Variants in NPSR1 observed in about 807,000 individuals in gnomAD.
NPSR1 encodes the protein neuropeptide S receptor.
A neutral mutation model predicts 46.9 loss-of-function variants in NPSR1; 48 were observed. The observed-to-expected ratio is 1.02, with a 90% CI of 0.81 to 1.30. The LOEUF is 1.30. NPSR1 is among the 50% of genes most tolerant of loss of function. NPSR1 has a pLI of 0.00. For missense variants in NPSR1, 450 were observed against 449.5 expected, an observed-to-expected ratio of 1.00 and a Z score of -0.01; for synonymous variants, 176 against 168.1, an observed-to-expected ratio of 1.05 and a Z score of -0.36.
At chr7:34,683,976 C>T (rs1015379474) in intron 1 of NPSR1, among the ~76,000 whole-genome samples, 2 of 152,066 alleles carry the variant, frequency 1.3e-5, no homozygotes, top group Non-Finnish European at 2.9e-5. Flanking sequence ...ATAATTACAC[C>T]CTAATATGAC....
intron 4 of NPSR1, among the ~76,000 whole-genome samples, chr7:34,817,753 G>T (rs1258840738): frequency 2.0e-5 from 3 of 151,974 alleles, no homozygotes; most frequent in Non-Finnish European, 4.4e-5. Flanking sequence ...GGGATGGAAG[G>T]CTGGTTCAAC....
intron 2 of NPSR1, among the ~76,000 whole-genome samples, chr7:34,727,082 T>C (rs1046032050): frequency 1.3e-5 from 2 of 152,104 alleles, no homozygotes; most frequent in African/African-American, 2.4e-5. Context: ...GTATGGGATA[T>C]TGAGAGCAGG....
intron 3 of NPSR1, among the ~76,000 whole-genome samples, chr7:34,804,577 G>T (rs1788594143): frequency 6.6e-6 from 1 of 152,008 alleles, no homozygotes; most frequent in Non-Finnish European, 1.5e-5. Flanking sequence ...CATATTTAAT[G>T]GCAAGAAATT....
chr7:34,691,579 A>G (rs1793260783), intron 2 of NPSR1, among the ~76,000 whole-genome samples: 1 of 152,184 alleles, frequency 6.6e-6, no homozygotes, highest in South Asian at 2.1e-4. Flanking sequence ...TATTAGATAA[A>G]ACAGACATCA....
At chr7:34,834,314 T>G in intron 5 of NPSR1, 70 bp from the exon 6 acceptor site, 1 of 1,113,282 alleles carries the variant, frequency 9.0e-7, no homozygotes, top group Non-Finnish European at 1.4e-6. Context: ...GAGGTGGGAG[T>G]GGTCTTCTCT....
intron 2 of NPSR1, among the ~76,000 whole-genome samples, chr7:34,691,307 C>G (rs1029346297): frequency 3.9e-5 from 6 of 152,106 alleles, no homozygotes; most frequent in Non-Finnish European, 8.8e-5. Flanking sequence ...ATCCTGTAAA[C>G]CAACAACACA....
At position 34,869,762 on chromosome 7, in the gene NPSR1, T is replaced by C. The variant is rs192008318; in HGVS notation, c.1026-8314T>C. On this transcript the variant is annotated intron_variant, in intron 8 of 8. Coordinates refer to the NPSR1 transcript ENST00000359791. Reference sequence around the variant, plus strand: ...CCAAAAGTCCCTGACTTTAGGAAGTTACATTCTGTGGGCAAAATTTAGCAC... The same window carrying C: ...CCAAAAGTCCCTGACTTTAGGAAGTCACATTCTGTGGGCAAAATTTAGCAC... 1.7e-3 allele frequency among the ~76,000 whole-genome samples: 252 copies of C among 151,940 alleles called. 12 individuals carry two copies. The highest frequency in any genetic ancestry group is 5.9e-3 in the African/African-American group (243 of 41,188).
At chr7:34,793,465 G>A (rs1421220452) in intron 3 of NPSR1, among the ~76,000 whole-genome samples, 5 of 152,182 alleles carry the variant, frequency 3.3e-5, no homozygotes, top group South Asian at 4.1e-4. Context: ...ACATGTATAC[G>A]AAAATATGCT....
At chr7:34,693,070 AC>A (rs1017083147) in intron 2 of NPSR1, among the ~76,000 whole-genome samples, 1 of 151,714 alleles carries the variant, frequency 6.6e-6, no homozygotes, top group African/African-American at 2.4e-5. Flanking sequence ...CTGGTGTTGC[AC>A]CCCCCTGCTC....
In NPSR1 at chr7:34,812,783, C is replaced by T. The variant is rs552768993; in HGVS notation, c.478+920C>T. ...GATAACTTCGAAAACTGATAAAGAACCTAACAAAAAATCTTGACCACAAAA... is the reference window on the plus strand; with the variant it reads ...GATAACTTCGAAAACTGATAAAGAATCTAACAAAAAATCTTGACCACAAAA... On this transcript the variant is annotated intron_variant, in intron 4 of 8. Transcript: ENST00000360581. Among the ~76,000 whole-genome samples the T allele has an allele frequency of 2.0e-5, 3 of 152,212 alleles. No individual in the cohort carries two copies. In the South Asian group the frequency reaches 6.2e-4, roughly 32 times the overall value.
chr7:34,827,652 C>G, intron 5 of NPSR1, 50 bp downstream of exon 5: 2 of 958,206 alleles, frequency 2.1e-6, no homozygotes, highest in East Asian at 3.8e-5. Flanking sequence ...GCGGGGGGGG[C>G]TTTCCTGTTT....
At chr7:34,662,527 A>G (rs973798312) in intron 1 of NPSR1, among the ~76,000 whole-genome samples, 8 of 152,072 alleles carry the variant, frequency 5.3e-5, no homozygotes, top group Admixed American at 2.0e-4. Flanking sequence ...CCCCAAATGT[A>G]TCTCCTGCAA....
At chr7:34,758,016 A>G (rs1213342782) in intron 2 of NPSR1, 1 of 152,680 alleles carries the variant, frequency 6.5e-6, no homozygotes, top group African/African-American at 2.4e-5. Flanking sequence ...TGGAATGACC[A>G]TAACTGGTGT....
intron 3 of NPSR1, among the ~76,000 whole-genome samples, chr7:34,806,438 C>A (rs1202755131): frequency 6.6e-6 from 1 of 152,038 alleles, no homozygotes; most frequent in Non-Finnish European, 1.5e-5. Context: ...CTAAATGATT[C>A]AACTATATTA....
chr7:34,775,780 T>G (rs1786928039), intron 2 of NPSR1, among the ~76,000 whole-genome samples: 1 of 152,134 alleles, frequency 6.6e-6, no homozygotes, highest in Non-Finnish European at 1.5e-5. Flanking sequence ...ATTTTGAGTT[T>G]GTTATGCTCT....
At chr7:34,740,407 A>G (rs1156455719) in intron 2 of NPSR1, among the ~76,000 whole-genome samples, 1 of 150,116 alleles carries the variant, frequency 6.7e-6, no homozygotes, top group East Asian at 1.9e-4. Flanking sequence ...CCCTCCCCCA[A>G]GTTCTGTCCA....
At chr7:34,785,257 C>T (rs1188437130) in intron 3 of NPSR1, among the ~76,000 whole-genome samples, 2 of 151,494 alleles carry the variant, frequency 1.3e-5, no homozygotes, top group Non-Finnish European at 2.9e-5. Context: ...TGGAAATCAT[C>T]ATTCTCAGTA....
intron 2 of NPSR1, among the ~76,000 whole-genome samples, chr7:34,721,589 GA>G (rs1205983878): frequency 6.6e-6 from 1 of 152,172 alleles, no homozygotes; most frequent in African/African-American, 2.4e-5. Context: ...AAAGGTTAAA[GA>G]AAAAGGCCCC....
At chr7:34,845,519 C>T (rs751598008) in intron 7 of NPSR1, 1 of 454,174 alleles carries the variant, frequency 2.2e-6, no homozygotes, top group Non-Finnish European at 4.4e-6. Context: ...GCTCTGCTCT[C>T]CGGTGGTGCC....
Sources: allele counts gnomAD v4.1 joint callset (sites outside exome capture counted in the v4.1 genomes callset), GRCh38; gene constraint gnomAD v4.1.1; transcripts MANE v1.5; gene names NCBI Gene and HGNC (gene_info 2026-07-23, HGNC 2026-07-21).